The following DGKB variants were observed in gnomAD, a reference collection of about 807,000 sequenced individuals.
The protein encoded by DGKB is 90 kDa diacylglycerol kinase.
DGKB carries 67 observed loss-of-function variants against 114.3 expected under a neutral mutation model. That is an observed-to-expected ratio of 0.59 (90% CI 0.48 to 0.72). The LOEUF is 0.72. Among genes scored for constraint, DGKB ranks in the 30% least tolerant of loss-of-function variants. The probability of loss-of-function intolerance (pLI) is 0.00; values close to 1 mark genes in which losing one functional copy is unlikely to be tolerated. For synonymous variants in DGKB, 398 were observed against 323.1 expected (o/e 1.23, Z -2.49); for missense variants, 907 against 975.2 (o/e 0.93, Z 0.93).
intron 2 of DGKB, among the ~76,000 whole-genome samples, chr7:14,812,021 C>T (rs998219966): frequency 6.6e-6 from 1 of 152,028 alleles, no homozygotes; most frequent in Non-Finnish European, 1.5e-5. Context: ...CTAGGTATCT[C>T]GTGTATGTGG....
intron 2 of DGKB, among the ~76,000 whole-genome samples, chr7:14,766,763 G>A (rs967536294): frequency 6.6e-6 from 1 of 151,824 alleles, no homozygotes; most frequent in Admixed American, 6.6e-5. Context: ...AGTTCACTCT[G>A]CAGTTCAAGT....
At chr7:14,804,070 GGTGTGTGT>G (rs34964846) in intron 2 of DGKB, among the ~76,000 whole-genome samples, 3 of 146,506 alleles carry the variant, frequency 2.0e-5, no homozygotes, top group Non-Finnish European at 3.0e-5. Flanking sequence ...TCACTTTTTG[GGTGTGTGT>G]GTGTGTGTGT....
At chr7:14,495,627 T>C (rs573837689) in intron 20 of DGKB, among the ~76,000 whole-genome samples, 2 of 151,840 alleles carry the variant, frequency 1.3e-5, no homozygotes, top group African/African-American at 4.8e-5. Flanking sequence ...TTATTTCACA[T>C]ATAAGGAGTC....
chr7:14,581,605 T>C, intron 18 of DGKB, among the ~76,000 whole-genome samples: 1 of 152,170 alleles, frequency 6.6e-6, no homozygotes, highest in Non-Finnish European at 1.5e-5. Context: ...TCCCATATGC[T>C]TTGGTTTGAA....
chr7:14,440,632 AC>A (rs1358418994), intron 21 of DGKB, among the ~76,000 whole-genome samples: 1 of 152,178 alleles, frequency 6.6e-6, no homozygotes, highest in Non-Finnish European at 1.5e-5. Flanking sequence ...AACACAGTCT[AC>A]TTACTCATCC....
intron 13 of DGKB, among the ~76,000 whole-genome samples, chr7:14,644,273 T>A (rs1306202663): frequency 2.0e-5 from 3 of 152,192 alleles, no homozygotes; most frequent in Non-Finnish European, 4.4e-5. Context: ...GACAGCTATA[T>A]CAGAGATGTA....
At chr7:14,882,961 TATTC>T in intron 1 of DGKB, among the ~76,000 whole-genome samples, 1 of 151,948 alleles carries the variant, frequency 6.6e-6, no homozygotes, top group African/African-American at 2.4e-5. Context: ...TTTGACATAT[TATTC>T]ATTTATATTT....
At chr7:14,817,816 G>A (rs35707063) in intron 2 of DGKB, among the ~76,000 whole-genome samples, 5,582 of 152,072 alleles carry the variant, frequency 0.037, 138 homozygotes, top group Non-Finnish European at 0.056. Context: ...ATGATATAGC[G>A]CAAAGTGAAG....
intron 4 of DGKB, among the ~76,000 whole-genome samples, chr7:14,739,802 G>T (rs1263325814): frequency 6.6e-6 from 1 of 152,104 alleles, no homozygotes; most frequent in East Asian, 1.9e-4. Flanking sequence ...CTTTGCTATG[G>T]CATTTTTCTT....
chr7:14,645,758 T>C (rs1433288041), intron 13 of DGKB, among the ~76,000 whole-genome samples: 3 of 148,504 alleles, frequency 2.0e-5, no homozygotes, highest in African/African-American at 7.4e-5. Context: ...CTTAAAGAAA[T>C]AAAGAGTAAA....
At chr7:14,282,210 A>G (rs1584918776) in intron 23 of DGKB, among the ~76,000 whole-genome samples, 1 of 117,070 alleles carries the variant, frequency 8.5e-6, no homozygotes, top group African/African-American at 3.3e-5. Flanking sequence ...AATACAAACT[A>G]CCATCAGAGA....
intron 23 of DGKB, among the ~76,000 whole-genome samples, chr7:14,289,350 T>C (rs1204644590): frequency 6.6e-6 from 1 of 152,082 alleles, no homozygotes; most frequent in Non-Finnish European, 1.5e-5. Context: ...AAAAGTAAAA[T>C]GCTTAAAACC....
chr7:14,688,586 T>A (rs1822132438), intron 9 of DGKB, among the ~76,000 whole-genome samples: 1 of 152,200 alleles, frequency 6.6e-6, no homozygotes, highest in Non-Finnish European at 1.5e-5. Context: ...TAAAATGTGC[T>A]CTTTTTTCAT....
chr7:14,401,184 C>T (rs1342287596), intron 21 of DGKB, among the ~76,000 whole-genome samples: 3 of 151,868 alleles, frequency 2.0e-5, no homozygotes, highest in Admixed American at 1.3e-4. Flanking sequence ...CAATCATAAT[C>T]CAAAATGTCT....
intron 24 of DGKB, among the ~76,000 whole-genome samples, chr7:14,177,290 C>A (rs975423180): frequency 7.9e-5 from 12 of 152,018 alleles, no homozygotes; most frequent in African/African-American, 2.4e-4. Flanking sequence ...AGATAAATAA[C>A]ATCAATTATT....
intron 23 of DGKB, among the ~76,000 whole-genome samples, chr7:14,183,967 C>T (rs1424203541): frequency 6.6e-6 from 1 of 152,188 alleles, no homozygotes. Context: ...ATACTGAGTG[C>T]CCAACTGAGG....
chr7:14,282,951 A>C (rs1016532619), intron 23 of DGKB, among the ~76,000 whole-genome samples: 1 of 151,980 alleles, frequency 6.6e-6, no homozygotes, highest in African/African-American at 2.4e-5. Flanking sequence ...GAAAACTGGC[A>C]CAAGACAGGG....
intron 20 of DGKB, among the ~76,000 whole-genome samples, chr7:14,524,692 G>A (rs1271477872): frequency 6.7e-6 from 1 of 149,278 alleles, no homozygotes; most frequent in Non-Finnish European, 1.5e-5. Flanking sequence ...GGAGGCAGAA[G>A]TTGCAGTGAG....
intron 1 of DGKB, among the ~76,000 whole-genome samples, chr7:14,957,147 A>G (rs1019731237): frequency 7.2e-5 from 11 of 152,000 alleles, no homozygotes; most frequent in Non-Finnish European, 1.3e-4. Flanking sequence ...TTTTTTTAAA[A>G]AAAGGGCATA....
Sources: allele counts gnomAD v4.1 joint callset (sites outside exome capture counted in the v4.1 genomes callset), GRCh38; gene constraint gnomAD v4.1.1; transcripts MANE v1.5; gene names NCBI Gene and HGNC (gene_info 2026-07-23, HGNC 2026-07-21).